The following NAE1 variants were observed in gnomAD, a reference collection of about 807,000 sequenced individuals.
NAE1 encodes NEDD8 activating enzyme E1 subunit 1.
Under a neutral mutation model 88.0 loss-of-function variants are expected in NAE1, and 59 were observed. The observed-to-expected ratio is 0.67, with a 90% CI of 0.54 to 0.83. NAE1 has a LOEUF of 0.83. Among genes scored for constraint, NAE1 ranks in the 40% least tolerant of loss-of-function variants. The pLI, the probability that NAE1 is intolerant of heterozygous loss-of-function variation, is 0.00. For missense variants in NAE1, 554 were observed against 632.8 expected, an observed-to-expected ratio of 0.88 and a Z score of 1.34; for synonymous variants, 186 against 208.9, an observed-to-expected ratio of 0.89 and a Z score of 0.95.
intron 14 of NAE1, 126 bp from the exon 15 acceptor site, chr16:66,810,539 T>C (rs1184627849): frequency 8.9e-7 from 1 of 1,127,160 alleles, no homozygotes; most frequent in Middle Eastern, 2.0e-4. Context: ...ACTTTAAAAA[T>C]ATCTTGTTTC....
intron 5 of NAE1, 92 bp from the exon 6 acceptor site, chr16:66,823,398 A>C (rs1342986256): frequency 1.2e-5 from 16 of 1,318,408 alleles, no homozygotes; most frequent in Non-Finnish European, 1.7e-5. Context: ...ATTTTACAAC[A>C]AATGAGGCAA....
At chr16:66,818,670 A>C (rs1481223085) in intron 7 of NAE1, 33 bp from the exon 8 acceptor site, 2 of 1,569,996 alleles carry the variant, frequency 1.3e-6, no homozygotes, top group East Asian at 4.5e-5. Flanking sequence ...GGATAAATTT[A>C]ACACTTAAAA....
chr16:66,818,180 CTTG>C (rs1960123933), intron 8 of NAE1, among the ~76,000 whole-genome samples: 1 of 151,978 alleles, frequency 6.6e-6, no homozygotes, highest in Non-Finnish European at 1.5e-5. Flanking sequence ...CTATAGTCAC[CTTG>C]TTGTGCTTTC....
intron 9 of NAE1, 32 bp downstream of exon 9, chr16:66,817,393 G>A (rs772059791): frequency 1.3e-5 from 19 of 1,469,178 alleles, no homozygotes; most frequent in Admixed American, 1.7e-5. Context: ...AAATACAGTT[G>A]CATATGAAAT....
intron 1 of NAE1, among the ~76,000 whole-genome samples, chr16:66,830,193 A>T (rs1266956860): frequency 6.6e-6 from 1 of 152,182 alleles, no homozygotes; most frequent in Non-Finnish European, 1.5e-5. Flanking sequence ...GTCCTCCAAG[A>T]CAGTTTTAAA....
intron 13 of NAE1, among the ~76,000 whole-genome samples, chr16:66,812,161 A>G (rs1403605435): frequency 2.0e-5 from 3 of 152,232 alleles, no homozygotes; most frequent in South Asian, 2.1e-4. Context: ...ACAAGGTAGT[A>G]TAGGGCCATA....
chr16:66,810,291 T>C, intron 15 of NAE1, 83 bp downstream of exon 15: 1 of 1,172,980 alleles, frequency 8.5e-7, no homozygotes, highest in Non-Finnish European at 1.3e-6. Flanking sequence ...ACTTAAAATT[T>C]CAACCATTCA....
chr16:66,830,929 A>G lies in NAE1; in HGVS notation c.-30T>C. 2 of 1,513,276 alleles carry G rather than the reference A, an allele frequency of 1.3e-6. No individual in the cohort carries two copies. The highest frequency in any genetic ancestry group is 1.8e-6 in the Non-Finnish European group (2 of 1,138,978). 93.7% of individuals were successfully genotyped at this position (1,513,276 alleles called of 1,614,324 possible). ...GCGCCTGCCGCGCGGAAAACAGCCG[A>G]GCCCCTGCGGAGCGCCGCCACCAGC... On this transcript the variant is annotated 5_prime_UTR_variant, in exon 1 of 20. Coordinates refer to ENST00000290810, the MANE Select transcript of NAE1 (RefSeq NM_003905.4).
At chr16:66,806,146 A>G (rs985635711) in intron 17 of NAE1, 120 bp from the exon 18 acceptor site, 2 of 1,194,750 alleles carry the variant, frequency 1.7e-6, no homozygotes, top group Non-Finnish European at 1.1e-6. Flanking sequence ...AAGAACAAAA[A>G]TAACAAAGTA....
rs751030835 is a variant in NAE1 at position 66,828,207 on chromosome 16, TTGGCTGGGCGCAG to T, written c.54-1440_54-1428del. 8.5e-4 allele frequency: 595 copies of T among 702,654 alleles called. 1 individual carries two copies. Among genetic ancestry groups the T allele is most frequent in the Non-Finnish European group, 1.3e-3 (542 of 428,414 alleles). The allele number at this position is 702,654 out of a possible 1,614,324, so 43.5% of individuals were successfully genotyped here. Reference sequence around the variant, plus strand: ...GTAAATTTAAGAATACTGGTGCATCTTGGCTGGGCGCAGTGGCTCACGCCTGTAATCCCAGCAC... The same window carrying T: ...GTAAATTTAAGAATACTGGTGCATCTTGGCTCACGCCTGTAATCCCAGCAC... On this transcript the variant is annotated intron_variant, in intron 1 of 19. Coordinates refer to ENST00000290810, the MANE Select transcript of NAE1 (RefSeq NM_003905.4).
intron 13 of NAE1, among the ~76,000 whole-genome samples, chr16:66,812,513 CTTTTTTTTTTTTT>C (rs961953416): frequency 8.7e-5 from 9 of 103,648 alleles, no homozygotes; most frequent in South Asian, 3.3e-4. Context: ...CCCCTAAGTT[CTTTTTTTTTTTTT>C]TTTTTTTTTT....
intron 1 of NAE1, 84 bp from the exon 2 acceptor site, chr16:66,826,864 C>A: frequency 1.6e-6 from 2 of 1,260,528 alleles, no homozygotes; most frequent in Non-Finnish European, 2.2e-6. Context: ...TTTAAACTTT[C>A]CTTGCATAGA....
intron 7 of NAE1, 68 bp downstream of exon 7, chr16:66,821,382 A>C: frequency 1.4e-6 from 2 of 1,408,214 alleles, no homozygotes; most frequent in South Asian, 3.4e-5. Flanking sequence ...CTGACTTTCT[A>C]AATTGTCAAG....
intron 17 of NAE1, among the ~76,000 whole-genome samples, chr16:66,807,188 C>CA (rs1208826575): frequency 1.3e-4 from 20 of 152,352 alleles, no homozygotes; most frequent in African/African-American, 4.3e-4. Flanking sequence ...AGGCAACCCA[C>CA]AAAATCACGA....
At chr16:66,808,248 C>T (rs180748038) in intron 17 of NAE1, among the ~76,000 whole-genome samples, 2 of 152,272 alleles carry the variant, frequency 1.3e-5, no homozygotes, top group East Asian at 3.9e-4. Flanking sequence ...CAGTGTGAGT[C>T]TTAGTAACAA....
At chr16:66,818,689 G>A in intron 7 of NAE1, 52 bp from the exon 8 acceptor site, 3 of 1,473,860 alleles carry the variant, frequency 2.0e-6, no homozygotes, top group South Asian at 1.3e-5. Flanking sequence ...AAAAAAAAAA[G>A]AGAGAGATGG....
At chr16:66,823,412 T>A in intron 5 of NAE1, 106 bp from the exon 6 acceptor site, 1 of 1,287,732 alleles carries the variant, frequency 7.8e-7, no homozygotes, top group Non-Finnish European at 1.1e-6. Context: ...GAGGCAACAA[T>A]TCCAATTCAA....
chr16:66,828,032 T>C, intron 1 of NAE1: 2 of 1,614,004 alleles, frequency 1.2e-6, no homozygotes, highest in Admixed American at 1.7e-5. Context: ...CTCCACTGTA[T>C]GCTCCATAAG....
chr16:66,811,940 CA>C (rs1209456869), intron 13 of NAE1, among the ~76,000 whole-genome samples: 1 of 152,096 alleles, frequency 6.6e-6, no homozygotes, highest in Non-Finnish European at 1.5e-5. Flanking sequence ...ACTTGGACCC[CA>C]AAGAAACCGA....
Sources: gnomAD v4.1 joint callset for allele counts (sites outside exome capture counted in the v4.1 genomes callset) on GRCh38, gnomAD v4.1.1 for gene constraint, MANE v1.5 for transcripts, NCBI Gene and HGNC (gene_info 2026-07-23, HGNC 2026-07-21) for gene names.